Variants in GALNT10 observed in about 807,000 individuals in gnomAD.
GALNT10 encodes polypeptide N-acetylgalactosaminyltransferase 10.
GALNT10 carries 41 observed loss-of-function variants against 75.0 expected under a neutral mutation model. The ratio of observed to expected loss-of-function variants is 0.55; its 90% CI spans 0.43 to 0.71. GALNT10 has a LOEUF of 0.71. GALNT10 is among the 30% of genes least tolerant of loss of function. GALNT10 has a pLI of 0.00. For synonymous variants in GALNT10, 302 were observed against 313.0 expected, an observed-to-expected ratio of 0.96 and a Z score of 0.37; for missense variants, 727 against 818.5, an observed-to-expected ratio of 0.89 and a Z score of 1.36.
At position 154,409,823 on chromosome 5, in the gene GALNT10, A is replaced by G. The variant is rs566857362; in HGVS notation, c.1386+61A>G. 2.7e-4 allele frequency: 298 copies of G among 1,103,434 alleles called. 1 individual carries two copies. The African/African-American group carries it at 4.0e-3, about 15-fold the overall frequency. 68.4% of individuals were successfully genotyped at this position (1,103,434 alleles called of 1,614,324 possible). A position where few individuals can be genotyped will look rare whatever the true frequency, so the allele number is the denominator to read the frequency against. On this transcript the variant is annotated intron_variant, in intron 9 of 11. Coordinates refer to ENST00000297107, the MANE Select transcript of GALNT10 (RefSeq NM_198321.4). This position sits in a 1 kb window ranked among gnomAD's most constrained non-coding sequence, Gnocchi z 4.5. ...ATGGGTGTGCAAAATGCAAATGCAGATCCCATGTTCAAAAGGTAGAAAGTC... is the reference window on the plus strand; with the variant it reads ...ATGGGTGTGCAAAATGCAAATGCAGGTCCCATGTTCAAAAGGTAGAAAGTC...
chr5:154,295,031 G>GT (rs1754253468), intron 2 of GALNT10, 113 bp downstream of exon 2: 1 of 530,388 alleles, frequency 1.9e-6, no homozygotes, highest in South Asian at 3.1e-5. Flanking sequence ...TTTAGCAGGG[G>GT]TGTCTGGACC....
At chr5:154,237,171 C>T (rs1753260835) in intron 1 of GALNT10, among the ~76,000 whole-genome samples, 1 of 152,144 alleles carries the variant, frequency 6.6e-6, no homozygotes, top group Admixed American at 6.5e-5. Flanking sequence ...ATATACTGAA[C>T]TGGCAAGAGG....
At chr5:154,314,370 CCAA>C (rs1394055527) in intron 3 of GALNT10, among the ~76,000 whole-genome samples, 1 of 152,126 alleles carries the variant, frequency 6.6e-6, no homozygotes, top group East Asian at 1.9e-4. Flanking sequence ...TACCCTTGGA[CCAA>C]GGGCCACTGT....
At chr5:154,375,554 G>A (rs1193469820) in intron 4 of GALNT10, among the ~76,000 whole-genome samples, 1 of 152,176 alleles carries the variant, frequency 6.6e-6, no homozygotes, top group Non-Finnish European at 1.5e-5. Flanking sequence ...GTCTGCTTCA[G>A]GCACGTGAGT....
At chr5:154,332,051 C>G (rs189603501) in intron 4 of GALNT10, among the ~76,000 whole-genome samples, 1 of 152,272 alleles carries the variant, frequency 6.6e-6, no homozygotes, top group East Asian at 1.9e-4. Flanking sequence ...CCTCTTCTGC[C>G]TCTTGCTCCC....
At chr5:154,382,246 CA>C (rs1328899593) in intron 6 of GALNT10, among the ~76,000 whole-genome samples, 20 of 152,318 alleles carry the variant, frequency 1.3e-4, no homozygotes, top group Admixed American at 6.5e-5. Flanking sequence ...GAAAGGTGGC[CA>C]GGACAATGGA....
intron 1 of GALNT10, among the ~76,000 whole-genome samples, chr5:154,216,179 A>C (rs1752869372): frequency 6.6e-6 from 1 of 152,200 alleles, no homozygotes; most frequent in Non-Finnish European, 1.5e-5. Context: ...TGTCTCTGGA[A>C]GTTCACATGG....
At chr5:154,338,585 G>T in intron 4 of GALNT10, 1 of 164,446 alleles carries the variant, frequency 6.1e-6, no homozygotes, top group Non-Finnish European at 1.3e-5. Flanking sequence ...AAACCCATTT[G>T]TCTTTTAATA....
At chr5:154,280,070 TTCA>T (rs1754016082) in intron 1 of GALNT10, among the ~76,000 whole-genome samples, 1 of 152,212 alleles carries the variant, frequency 6.6e-6, no homozygotes, top group African/African-American at 2.4e-5. Flanking sequence ...TAGAATATTT[TTCA>T]GCCATAAAAA....
At chr5:154,229,246 A>G (rs1197025951) in intron 1 of GALNT10, among the ~76,000 whole-genome samples, 1 of 152,184 alleles carries the variant, frequency 6.6e-6, no homozygotes, top group East Asian at 1.9e-4. Context: ...TTTCCCTCTT[A>G]CTAAATCATC....
At chr5:154,202,559 C>A (rs1775042859) in intron 1 of GALNT10, among the ~76,000 whole-genome samples, 2 of 152,192 alleles carry the variant, frequency 1.3e-5, no homozygotes, top group South Asian at 4.1e-4. Context: ...CTTCCCAGGC[C>A]TATACAAGAA....
At chr5:154,255,835 TCCCTCCCCTC>T (rs554610047) in intron 1 of GALNT10, among the ~76,000 whole-genome samples, 2 of 151,314 alleles carry the variant, frequency 1.3e-5, no homozygotes, top group African/African-American at 2.4e-5. Context: ...AAGCCTCCCT[TCCCTCCCCTC>T]CCCTCCCCTC....
At chr5:154,345,814 T>G (rs1755113328) in intron 4 of GALNT10, among the ~76,000 whole-genome samples, 1 of 96,244 alleles carries the variant, frequency 1.0e-5, no homozygotes. Flanking sequence ...TTTTTTTTTT[T>G]TTGTATTTTT....
chr5:154,376,520 C>T lies in GALNT10; in HGVS notation c.754+58C>T, dbSNP rs538802658. 14 of 1,283,022 alleles carry T rather than the reference C, an allele frequency of 1.1e-5. No individual in the cohort carries two copies. In the East Asian group the frequency reaches 3.1e-4, roughly 28 times the overall value. 79.5% of individuals were successfully genotyped at this position (1,283,022 alleles called of 1,614,324 possible). On this transcript the variant is annotated intron_variant, in intron 5 of 11. Coordinates refer to ENST00000297107, the MANE Select transcript of GALNT10 (RefSeq NM_198321.4). This position sits in a 1 kb window ranked among gnomAD's most constrained non-coding sequence, Gnocchi z 4.1. ...AACTGCAATGAGCCAGTGCCAGTGG[C>T]CCCCTCCTGCTGCAGGGAGCCATCC...
chr5:154,243,424 A>G (rs1753370139), intron 1 of GALNT10, among the ~76,000 whole-genome samples: 2 of 152,216 alleles, frequency 1.3e-5, no homozygotes, highest in Admixed American at 6.5e-5. Flanking sequence ...ACCTGGGTAT[A>G]CTTTCCCACA....
At chr5:154,351,005 T>C (rs957903571) in intron 4 of GALNT10, among the ~76,000 whole-genome samples, 6 of 152,172 alleles carry the variant, frequency 3.9e-5, no homozygotes, top group African/African-American at 1.4e-4. Flanking sequence ...TCCCAGGAAA[T>C]GCTGTGAGAA....
intron 10 of GALNT10, among the ~76,000 whole-genome samples, chr5:154,413,353 C>A (rs1326696604): frequency 6.6e-6 from 1 of 152,178 alleles, no homozygotes; most frequent in African/African-American, 2.4e-5. Context: ...CTCAACCTGG[C>A]CCTTCCTATA....
chr5:154,406,978 T>A (rs1280322018), intron 8 of GALNT10, among the ~76,000 whole-genome samples: 2 of 152,032 alleles, frequency 1.3e-5, no homozygotes, highest in Admixed American at 6.6e-5. Flanking sequence ...AGCCTTGAGG[T>A]AGAAGCAGTT....
At chr5:154,208,624 A>G (rs1208506856) in intron 1 of GALNT10, among the ~76,000 whole-genome samples, 3 of 152,250 alleles carry the variant, frequency 2.0e-5, no homozygotes, top group Non-Finnish European at 4.4e-5. Flanking sequence ...AGATACCCTT[A>G]GGATTACAGG....
Sources: gnomAD v4.1 joint callset for allele counts (sites outside exome capture counted in the v4.1 genomes callset) on GRCh38, gnomAD v4.1.1 for gene constraint, Gnocchi (gnomAD v3.1) non-coding constraint, MANE v1.5 for transcripts, NCBI Gene and HGNC (gene_info 2026-07-23, HGNC 2026-07-21) for gene names.